The following TBC1D19 variants were observed in gnomAD, a reference collection of about 807,000 sequenced individuals.
TBC1D19 encodes the protein TBC1 domain family, member 19.
In TBC1D19, 60 loss-of-function variants were observed where a neutral mutation model predicts 89.0. The observed-to-expected ratio is 0.67, with a 90% CI of 0.55 to 0.84. TBC1D19 has a LOEUF of 0.84. Among genes scored for constraint, TBC1D19 ranks in the 40% least tolerant of loss-of-function variants. The pLI, the probability that TBC1D19 is intolerant of heterozygous loss-of-function variation, is 0.00. For missense variants in TBC1D19, 500 were observed against 610.8 expected (o/e 0.82, Z 1.91); for synonymous variants, 189 against 199.7 (o/e 0.95, Z 0.45).
At chr4:26,603,509 C>T (rs1740767718) in intron 1 of TBC1D19, among the ~76,000 whole-genome samples, 1 of 152,074 alleles carries the variant, frequency 6.6e-6, no homozygotes, top group South Asian at 2.1e-4. Flanking sequence ...CCCCATTTAT[C>T]TGAAAAAGAA....
chr4:26,795,254 C>G, the TBC1D19 span, among the ~76,000 whole-genome samples: 1 of 139,394 alleles, frequency 7.2e-6, no homozygotes, highest in Admixed American at 7.2e-5. Context: ...AAAGGCTCTG[C>G]TCCCTCACCT....
intron 1 of TBC1D19, among the ~76,000 whole-genome samples, chr4:26,586,378 T>G (rs1739419011): frequency 6.6e-6 from 1 of 152,132 alleles, no homozygotes; most frequent in Non-Finnish European, 1.5e-5. Flanking sequence ...TGTAACTTTA[T>G]AGTAAGCCTT....
At chr4:26,814,244 T>A in the TBC1D19 span, among the ~76,000 whole-genome samples, 1 of 152,216 alleles carries the variant, frequency 6.6e-6, no homozygotes, top group Non-Finnish European at 1.5e-5. Flanking sequence ...TCACTTTACT[T>A]TTCTGTTTTC....
intron 11 of TBC1D19, among the ~76,000 whole-genome samples, chr4:26,674,162 A>G (rs1034664665): frequency 6.6e-6 from 1 of 152,124 alleles, no homozygotes; most frequent in Non-Finnish European, 1.5e-5. Flanking sequence ...TGAGAAGTGG[A>G]GACTGACAAT....
At chr4:26,646,762 C>T (rs569023656) in intron 7 of TBC1D19, among the ~76,000 whole-genome samples, 1 of 152,150 alleles carries the variant, frequency 6.6e-6, no homozygotes, top group South Asian at 2.1e-4. Context: ...AACACTTGGA[C>T]ACAGGGTGGG....
upstream of TBC1D19, among the ~76,000 whole-genome samples, chr4:26,582,790 C>A (rs547970125): frequency 6.8e-4 from 104 of 152,276 alleles, no homozygotes; most frequent in African/African-American, 2.4e-3. Flanking sequence ...ACCAACTTTA[C>A]CAAATTATTT....
intron 7 of TBC1D19, among the ~76,000 whole-genome samples, chr4:26,650,271 C>T (rs1393168525): frequency 6.6e-6 from 1 of 152,066 alleles, no homozygotes; most frequent in African/African-American, 2.4e-5. Context: ...AGTTCTAGAT[C>T]CCTGAGGAAT....
At chr4:26,629,121 TAGG>T (rs1036281392) in intron 4 of TBC1D19, among the ~76,000 whole-genome samples, 3 of 152,206 alleles carry the variant, frequency 2.0e-5, no homozygotes, top group African/African-American at 7.2e-5. Flanking sequence ...CTTGTTGCAA[TAGG>T]AGAACTTTTG....
chr4:26,651,205 T>G (rs1269107544), intron 7 of TBC1D19, among the ~76,000 whole-genome samples: 1 of 152,226 alleles, frequency 6.6e-6, no homozygotes, highest in African/African-American at 2.4e-5. Flanking sequence ...GCGGGCTCTT[T>G]TTTGGTTCCA....
intron 4 of TBC1D19, 106 bp downstream of exon 4, chr4:26,620,794 C>T: frequency 2.1e-6 from 2 of 972,822 alleles, no homozygotes; most frequent in Non-Finnish European, 3.0e-6. Flanking sequence ...TTATGAAATA[C>T]TGGGTAAGAA....
the TBC1D19 span, among the ~76,000 whole-genome samples, chr4:26,830,792 T>A: frequency 6.6e-6 from 1 of 152,192 alleles, no homozygotes; most frequent in African/African-American, 2.4e-5. Flanking sequence ...TCAAACTGGT[T>A]AATGCCTGGA....
intron 1 of TBC1D19, among the ~76,000 whole-genome samples, chr4:26,577,508 C>T (rs1387879782): frequency 6.6e-6 from 1 of 152,206 alleles, no homozygotes; most frequent in African/African-American, 2.4e-5. Context: ...TTCTTTTCTT[C>T]AACCAGCACA....
chr4:26,636,486 C>T (rs867029918), intron 4 of TBC1D19, among the ~76,000 whole-genome samples: 1 of 16,602 alleles, frequency 6.0e-5, no homozygotes, highest in Middle Eastern at 0.025. Context: ...AAGTCAGTAT[C>T]ATAAAAAAAA....
chr4:26,799,952 T>TAA, the TBC1D19 span, among the ~76,000 whole-genome samples: 1 of 151,768 alleles, frequency 6.6e-6, no homozygotes, highest in Non-Finnish European at 1.5e-5. Flanking sequence ...TTCTTTTTTT[T>TAA]AAAAAACTGT....
the TBC1D19 span, among the ~76,000 whole-genome samples, chr4:26,793,969 A>C: frequency 6.6e-6 from 1 of 152,178 alleles, no homozygotes; most frequent in East Asian, 1.9e-4. Context: ...CCATTGGCTG[A>C]TCCCAGACAG....
chr4:26,807,342 A>G, the TBC1D19 span, among the ~76,000 whole-genome samples: 5 of 152,182 alleles, frequency 3.3e-5, no homozygotes, highest in Non-Finnish European at 7.3e-5. Flanking sequence ...AAGGCCTTTC[A>G]CAATGAAAGC....
chr4:26,579,856 G>T (rs1739034235), upstream of TBC1D19, among the ~76,000 whole-genome samples: 1 of 152,150 alleles, frequency 6.6e-6, no homozygotes, highest in African/African-American at 2.4e-5. Context: ...CAAGATATTT[G>T]GAATTGCAGC....
the TBC1D19 span, among the ~76,000 whole-genome samples, chr4:26,782,348 G>T: frequency 1.3e-5 from 2 of 152,100 alleles, no homozygotes; most frequent in Admixed American, 1.3e-4. Context: ...GGTTTTTATC[G>T]CAGTTAGAGT....
intron 1 of TBC1D19, among the ~76,000 whole-genome samples, chr4:26,591,247 A>G (rs996068282): frequency 6.6e-6 from 1 of 151,382 alleles, no homozygotes; most frequent in Non-Finnish European, 1.5e-5. Context: ...TTTTCTGTTT[A>G]GTAATATTTT....
Sources: allele counts gnomAD v4.1 joint callset (sites outside exome capture counted in the v4.1 genomes callset), GRCh38; gene constraint gnomAD v4.1.1; transcripts MANE v1.5; gene names NCBI Gene and HGNC (gene_info 2026-07-23, HGNC 2026-07-21).